KIF3A: variants seen among roughly 807,000 people sequenced by gnomAD.
KIF3A encodes the protein kinesin-like protein KIF3A.
Under a neutral mutation model 92.6 loss-of-function variants are expected in KIF3A, and 27 were observed. That is an observed-to-expected ratio of 0.29 (90% CI 0.21 to 0.40). KIF3A has a LOEUF of 0.40. Ranked by LOEUF, KIF3A falls within the 10% of genes least tolerant of loss-of-function variation. KIF3A has a pLI of 1.00. For missense variants in KIF3A, 581 were observed against 872.6 expected, an observed-to-expected ratio of 0.67 and a Z score of 4.21; for synonymous variants, 250 against 275.4, an observed-to-expected ratio of 0.91 and a Z score of 0.92.
At chr5:132,703,439 TC>T in intron 12 of KIF3A, 23 bp downstream of exon 12, 2 of 1,546,478 alleles carry the variant, frequency 1.3e-6, no homozygotes, top group Non-Finnish European at 1.8e-6. Flanking sequence ...AATCATGAAT[TC>T]ATCTCAATTC....
downstream of KIF3A, among the ~76,000 whole-genome samples, chr5:132,691,323 G>A (rs1752658212): frequency 2.0e-5 from 3 of 152,132 alleles, no homozygotes; most frequent in South Asian, 6.2e-4. Flanking sequence ...CGAGGTGGGT[G>A]GATCACCTGA....
chr5:132,693,346 T>G lies in KIF3A; in HGVS notation c.*3288A>C, dbSNP rs1752724236. ...TGATAATTTTAACATCCTATTAGTATATGTAATTGTAAGGATTATTAAAGA... is the reference window on the plus strand; with the variant it reads ...TGATAATTTTAACATCCTATTAGTAGATGTAATTGTAAGGATTATTAAAGA... On this transcript the variant is annotated 3_prime_UTR_variant, in exon 19 of 19. Transcript: ENST00000403231. 6.6e-6 allele frequency: 1 copy of G among 152,494 alleles called. No individual in the cohort carries two copies. The highest frequency in any genetic ancestry group is 2.4e-5 in the African/African-American group (1 of 41,438). 9.4% of individuals were successfully genotyped at this position (152,494 alleles called of 1,614,324 possible).
downstream of KIF3A, among the ~76,000 whole-genome samples, chr5:132,691,835 G>A (rs1330748616): frequency 1.3e-5 from 2 of 151,986 alleles, no homozygotes; most frequent in African/African-American, 2.4e-5. Flanking sequence ...CCAGGAGGTG[G>A]AGGTTGCAGT....
intron 8 of KIF3A, among the ~76,000 whole-genome samples, chr5:132,713,889 C>CTTTTTTTTTT (rs34191042): frequency 7.2e-5 from 6 of 83,760 alleles, no homozygotes; most frequent in African/African-American, 1.4e-4. Flanking sequence ...ATTTCACTTT[C>CTTTTTTTTTT]TTTTTTTTTT....
At position 132,703,542 on chromosome 5, in the gene KIF3A, T is replaced by C; in HGVS notation, c.1387A>G (p.Lys463Glu). Residue 463 changes from lysine (K) to glutamate (E), a missense_variant, in exon 12 of 19, where the codon AAG (lysine) becomes GAG (glutamate). Transcript: ENST00000403231. ...IDEERKALET[K>E]LDMEEEERNK... ...CTTTCTTCTTCTTCCATGTCGAGCT[T>C]TGTTTCAAGTGCTTTTCTCTCCTCA... The C allele has an allele frequency of 1.9e-6, 3 of 1,612,632 alleles. No individual in the cohort carries two copies. Among genetic ancestry groups the C allele is most frequent in the Non-Finnish European group, 2.5e-6 (3 of 1,179,134 alleles).
At position 132,694,712 on chromosome 5, in the gene KIF3A, T is replaced by C. The variant is rs1752774992; in HGVS notation, c.*1922A>G. 6.6e-6 allele frequency: 1 copy of C among 152,320 alleles called. No homozygotes were observed. The highest frequency in any genetic ancestry group is 2.1e-4 in the South Asian group (1 of 4,824). 9.4% of individuals were successfully genotyped at this position (152,320 alleles called of 1,614,324 possible). A position where few individuals can be genotyped will look rare whatever the true frequency, so the allele number is the denominator to read the frequency against. ...TGTATCATCAAAAACATTTTATAAT[T>C]ACCAAAATATTCTGATCACACAAAG... On this transcript the variant is annotated 3_prime_UTR_variant, in exon 19 of 19. Coordinates refer to ENST00000403231, the MANE Select transcript of KIF3A (RefSeq NM_001300791.2).
intron 17 of KIF3A, among the ~76,000 whole-genome samples, 198 bp downstream of exon 17, chr5:132,700,018 A>T (rs941133265): frequency 1.3e-5 from 2 of 152,162 alleles, no homozygotes; most frequent in Non-Finnish European, 2.9e-5. Context: ...AATAAGCCTG[A>T]CATCAAGACT....
chr5:132,688,952 G>A (rs966155586), downstream of KIF3A, among the ~76,000 whole-genome samples: 3 of 152,154 alleles, frequency 2.0e-5, no homozygotes, highest in Non-Finnish European at 2.9e-5. Flanking sequence ...AGGTGGAGAG[G>A]AATATCTGAT....
chr5:132,699,594 T>G (rs1752960907), intron 17 of KIF3A: 1 of 458,662 alleles, frequency 2.2e-6, no homozygotes, highest in Non-Finnish European at 4.3e-6. Context: ...AGTCTCACTC[T>G]GTCGCCCAGG....
chr5:132,705,229 T>C (rs1007895425), intron 11 of KIF3A, among the ~76,000 whole-genome samples: 8 of 152,036 alleles, frequency 5.3e-5, no homozygotes, highest in South Asian at 4.1e-4. Context: ...TCTTAGAAAT[T>C]TGAAGGAGAA....
At chr5:132,690,520 A>G (rs1752635986), downstream of KIF3A, among the ~76,000 whole-genome samples, 1 of 152,242 alleles carries the variant, frequency 6.6e-6, no homozygotes, top group Non-Finnish European at 1.5e-5. Context: ...CTGAGTGTTC[A>G]CAAGGACATA....
At chr5:132,689,114 G>A (rs1179079935), downstream of KIF3A, among the ~76,000 whole-genome samples, 1 of 152,116 alleles carries the variant, frequency 6.6e-6, no homozygotes, top group Non-Finnish European at 1.5e-5. Flanking sequence ...TAGCCTCTTC[G>A]TAATCATTTT....
At chr5:132,730,901 G>T (rs1299104225) in intron 2 of KIF3A, among the ~76,000 whole-genome samples, 4 of 152,206 alleles carry the variant, frequency 2.6e-5, no homozygotes, top group African/African-American at 9.7e-5. Flanking sequence ...AGGCCAGGAA[G>T]TCGAGGCTGC....
At chr5:132,705,302 T>C (rs1753171668) in intron 11 of KIF3A, among the ~76,000 whole-genome samples, 1 of 151,930 alleles carries the variant, frequency 6.6e-6, no homozygotes, top group South Asian at 2.1e-4. Context: ...CCTTTCCACC[T>C]GAGAATTATA....
At chr5:132,700,181 T>C in intron 17 of KIF3A, 35 bp downstream of exon 17, 1 of 1,140,880 alleles carries the variant, frequency 8.8e-7, no homozygotes, top group Non-Finnish European at 1.3e-6. Flanking sequence ...ACAGTAGTTT[T>C]GTGTTTTGTT....
In KIF3A at chr5:132,696,655, T is replaced by C; in HGVS notation, c.2160A>G (p.Val720=). 6.2e-6 allele frequency: 10 copies of C among 1,610,650 alleles called. No homozygotes were observed. The highest frequency in any genetic ancestry group is 8.5e-6 in the Non-Finnish European group (10 of 1,176,944). ...RRKRSAKPET[V]IDSLLQ is the part of the protein sequence containing the mutation. Reference sequence around the variant, plus strand: ...ACATTTACTGCAGTAAAGAGTCAATTACAGTTTCAGGCTTTGCAGAACGCT... The same window carrying C: ...ACATTTACTGCAGTAAAGAGTCAATCACAGTTTCAGGCTTTGCAGAACGCT... Residue 720 remains valine, a synonymous_variant, in exon 19 of 19, where the codon GTA becomes GTG. Transcript: ENST00000403231.
At position 132,696,546 on chromosome 5, in the gene KIF3A, A is replaced by C; in HGVS notation, c.*88T>G. The C allele has an allele frequency of 1.3e-6, 1 of 760,632 alleles. No individual in the cohort carries two copies. Among genetic ancestry groups the C allele is most frequent in the Non-Finnish European group, 2.3e-6 (1 of 438,536 alleles). 47.1% of individuals were successfully genotyped at this position (760,632 alleles called of 1,614,324 possible). ...TCTACAACTTCCATTAATTGAAATT[A>C]TAGAGAAGTCTTCACTGTTTTAATT... is the stretch of plus-strand genomic sequence containing the variant. On this transcript the variant is annotated 3_prime_UTR_variant, in exon 19 of 19. Coordinates refer to ENST00000403231, the MANE Select transcript of KIF3A (RefSeq NM_001300791.2).
rs1754445834 is a variant in KIF3A, at chr5:132,737,503, A to G, written c.-84T>C. The G allele has an allele frequency of 1.3e-6, 2 of 1,496,364 alleles. No individual in the cohort carries two copies. The highest frequency in any genetic ancestry group is 1.9e-5 in the Admixed American group (1 of 52,952). The allele number at this position is 1,496,364 out of a possible 1,614,324, so 92.7% of individuals were successfully genotyped here. Reference sequence around the variant, plus strand: ...GGGTGCGCAGAAAGGATGGCCAGAGACTACCGAAACACCTCGTTGACGCTC... The same window carrying G: ...GGGTGCGCAGAAAGGATGGCCAGAGGCTACCGAAACACCTCGTTGACGCTC... On this transcript the variant is annotated 5_prime_UTR_variant, in exon 1 of 19. Coordinates refer to ENST00000403231, the MANE Select transcript of KIF3A (RefSeq NM_001300791.2).
At chr5:132,700,136 T>C (rs1449497069) in intron 17 of KIF3A, 80 bp downstream of exon 17, 1 of 791,176 alleles carries the variant, frequency 1.3e-6, no homozygotes, top group Non-Finnish European at 2.0e-6. Flanking sequence ...AAGTTGATAA[T>C]ACAATTTAAT....
Sources: allele counts gnomAD v4.1 joint callset (sites outside exome capture counted in the v4.1 genomes callset), GRCh38; gene constraint gnomAD v4.1.1; transcripts MANE v1.5; gene names NCBI Gene and HGNC (gene_info 2026-07-23, HGNC 2026-07-21).